The following HSPBAP1 variants were observed in gnomAD, a reference collection of about 807,000 sequenced individuals.
HSPBAP1 encodes HSPB1-associated protein 1.
HSPBAP1 carries 27 observed loss-of-function variants against 45.2 expected under a neutral mutation model. The observed-to-expected ratio is 0.60, with a 90% CI of 0.44 to 0.82. The LOEUF (loss-of-function observed/expected upper bound fraction) is 0.82. Ranked by LOEUF, HSPBAP1 falls within the 40% of genes least tolerant of loss-of-function variation. The pLI is 0.00. For synonymous variants in HSPBAP1, 204 were observed against 202.7 expected (o/e 1.01, Z -0.06); for missense variants, 510 against 590.9 (o/e 0.86, Z 1.42).
chr3:122,745,688 A>C (rs974079219), intron 6 of HSPBAP1, among the ~76,000 whole-genome samples: 1 of 152,222 alleles, frequency 6.6e-6, no homozygotes, highest in African/African-American at 2.4e-5. Context: ...ACTTAATAAT[A>C]GCCCCAAAGT....
chr3:122,748,428 C>G (rs1292183220), intron 6 of HSPBAP1, among the ~76,000 whole-genome samples: 2 of 151,478 alleles, frequency 1.3e-5, no homozygotes, highest in African/African-American at 4.9e-5. Flanking sequence ...ATACTATATC[C>G]TAGTGAAAAA....
At chr3:122,754,887 C>G (rs1281304037) in intron 5 of HSPBAP1, 5 of 995,866 alleles carry the variant, frequency 5.0e-6, no homozygotes, top group African/African-American at 3.5e-5. Context: ...GGGTTCAGTG[C>G]TATCATAATT....
chr3:122,766,350 A>T (rs1249622930), intron 3 of HSPBAP1, among the ~76,000 whole-genome samples: 3 of 152,220 alleles, frequency 2.0e-5, no homozygotes, highest in Non-Finnish European at 4.4e-5. Flanking sequence ...AAACCAACAC[A>T]GGTACCTGTG....
intron 1 of HSPBAP1, among the ~76,000 whole-genome samples, chr3:122,784,952 G>GA (rs1295200674): frequency 3.9e-5 from 6 of 152,220 alleles, no homozygotes; most frequent in Non-Finnish European, 8.8e-5. Context: ...AACAGGCAGA[G>GA]ACGGTAATTC....
intron 6 of HSPBAP1, among the ~76,000 whole-genome samples, chr3:122,750,900 A>G (rs1445729823): frequency 6.6e-6 from 1 of 152,246 alleles, no homozygotes; most frequent in African/African-American, 2.4e-5. Context: ...AACCAAACCA[A>G]TATGATGAAA....
intron 2 of HSPBAP1, among the ~76,000 whole-genome samples, chr3:122,771,066 T>G (rs1934976307): frequency 6.6e-6 from 1 of 152,280 alleles, no homozygotes; most frequent in Admixed American, 6.5e-5. Context: ...GACTTCATTT[T>G]CTGTTACAGC....
At chr3:122,772,989 C>T (rs915899286) in intron 2 of HSPBAP1, among the ~76,000 whole-genome samples, 1 of 152,012 alleles carries the variant, frequency 6.6e-6, no homozygotes, top group East Asian at 1.9e-4. Context: ...GCTAAGACTA[C>T]AGGTGTGCAC....
At chr3:122,781,449 G>A (rs1260687013) in intron 1 of HSPBAP1, among the ~76,000 whole-genome samples, 1 of 151,886 alleles carries the variant, frequency 6.6e-6, no homozygotes, top group Non-Finnish European at 1.5e-5. Flanking sequence ...CAGGCACTCG[G>A]CAGGCTGAGG....
intron 6 of HSPBAP1, among the ~76,000 whole-genome samples, chr3:122,750,552 TA>T (rs372023581): frequency 4.5e-3 from 424 of 94,862 alleles, no homozygotes; most frequent in Non-Finnish European, 7.1e-3. Context: ...TCTATCTATC[TA>T]ATCTATCTAT....
intron 1 of HSPBAP1, among the ~76,000 whole-genome samples, chr3:122,793,393 T>C (rs1469182801): frequency 3.3e-5 from 5 of 152,186 alleles, no homozygotes; most frequent in Non-Finnish European, 7.3e-5. Context: ...TAACACCCCA[T>C]GCGTGAAACA....
intron 4 of HSPBAP1, chr3:122,758,896 CAAA>C (rs11369405): frequency 0.019 from 3,777 of 195,952 alleles, no homozygotes; most frequent in Middle Eastern, 0.036. Context: ...TCTAATTTAC[CAAA>C]AAAAAAAAAA....
intron 1 of HSPBAP1, among the ~76,000 whole-genome samples, chr3:122,791,342 C>T (rs983350683): frequency 6.6e-6 from 1 of 152,232 alleles, no homozygotes; most frequent in African/African-American, 2.4e-5. Flanking sequence ...CTTACCACTC[C>T]TGACACCAAC....
chr3:122,793,531 T>C (rs1370202709), intron 1 of HSPBAP1, 86 bp downstream of exon 1: 6 of 1,209,316 alleles, frequency 5.0e-6, no homozygotes, highest in South Asian at 1.2e-5. Context: ...GGGTTGGGGC[T>C]AAGGCAAACG....
intron 1 of HSPBAP1, among the ~76,000 whole-genome samples, chr3:122,780,150 CT>C (rs1935366780): frequency 8.8e-6 from 1 of 113,570 alleles, no homozygotes; most frequent in African/African-American, 3.1e-5. Flanking sequence ...ACCCCCCCAC[CT>C]CCCTCCTGGA....
chr3:122,746,668 C>T (rs1468660461), intron 6 of HSPBAP1, among the ~76,000 whole-genome samples: 4 of 149,362 alleles, frequency 2.7e-5, no homozygotes, highest in African/African-American at 9.7e-5. Flanking sequence ...CGGTCTCCCT[C>T]TCCCTCTCTT....
At chr3:122,753,466 CGA>C in intron 5 of HSPBAP1, 1 of 981,488 alleles carries the variant, frequency 1.0e-6, no homozygotes, top group Non-Finnish European at 1.2e-6. Flanking sequence ...ATAGTGGTAT[CGA>C]GAGAGTCTGA....
intron 2 of HSPBAP1, among the ~76,000 whole-genome samples, chr3:122,775,418 AAC>A (rs954220639): frequency 4.6e-5 from 7 of 152,254 alleles, no homozygotes; most frequent in African/African-American, 1.7e-4. Flanking sequence ...TCATTAAGGA[AAC>A]ACAAATCAAA....
At chr3:122,758,804 G>C (rs769327821) in intron 4 of HSPBAP1, 5 of 455,250 alleles carry the variant, frequency 1.1e-5, no homozygotes, top group Non-Finnish European at 2.2e-5. Flanking sequence ...GGCTGCGGCA[G>C]GAGGATGGCT....
At chr3:122,753,650 C>T (rs1280010141) in intron 5 of HSPBAP1, 1 of 985,048 alleles carries the variant, frequency 1.0e-6, no homozygotes, top group African/African-American at 1.7e-5. Context: ...AGCTTTTGGG[C>T]TTCACATTAG....
Sources: gnomAD v4.1 joint callset for allele counts (sites outside exome capture counted in the v4.1 genomes callset) on GRCh38, gnomAD v4.1.1 for gene constraint, MANE v1.5 for transcripts, NCBI Gene and HGNC (gene_info 2026-07-23, HGNC 2026-07-21) for gene names.